The following SREBF1 variants were observed in gnomAD, a reference collection of about 807,000 sequenced individuals.
SREBF1 encodes the protein sterol regulatory element-binding protein 1.
Under a neutral mutation model 100.1 loss-of-function variants are expected in SREBF1, and 45 were observed. The ratio of observed to expected loss-of-function variants is 0.45; its 90% confidence interval spans 0.35 to 0.58. The LOEUF (loss-of-function observed/expected upper bound fraction) is 0.58. SREBF1 is among the 20% of genes least tolerant of loss of function. SREBF1 has a pLI of 0.00. For synonymous variants in SREBF1, 657 were observed against 681.8 expected (o/e 0.96, Z 0.57); for missense variants, 1,324 against 1,539.4 (o/e 0.86, Z 2.34).
At chr17:17,828,655 C>T (rs1427607958) in intron 1 of SREBF1, among the ~76,000 whole-genome samples, 3 of 152,202 alleles carry the variant, frequency 2.0e-5, no homozygotes, top group Admixed American at 6.5e-5. Context: ...GGGGCTCACA[C>T]CTGTAATAAC....
intron 1 of SREBF1, among the ~76,000 whole-genome samples, chr17:17,835,607 C>T (rs77370813): frequency 0.025 from 3,818 of 152,324 alleles, 66 homozygotes; most frequent in Non-Finnish European, 0.034. Context: ...GCCTCAGTTT[C>T]CTCATCAACC....
chr17:17,830,620 C>T (rs11652144), intron 1 of SREBF1, among the ~76,000 whole-genome samples: 68,440 of 152,146 alleles, frequency 0.45, 18,476 homozygotes, highest in Non-Finnish European at 0.63. Flanking sequence ...GGTGCAGGGA[C>T]GGGGAGTCAG....
rs757568428 is a variant in SREBF1 at position 17,816,377 on chromosome 17, GA to G, written c.2048-5del. 6.3e-6 allele frequency: 10 copies of G among 1,591,308 alleles called. No individual in the cohort carries two copies. In the African/African-American group the frequency reaches 1.3e-4, roughly 21 times the overall value. On this transcript the variant is annotated splice_polypyrimidine_tract_variant and splice_region_variant and intron_variant, in intron 10 of 18. Coordinates refer to ENST00000261646, the MANE Select transcript of SREBF1 (RefSeq NM_004176.5). ...AGGTGCCCGCCTGTGTGCTTCCCTG[GA>G]AGGCAAGCAGGCATGAGGCTGTGGG...
rs777820660 is a variant in SREBF1 at position 17,816,299 on chromosome 17, C to G, written c.2122G>C (p.Asp708His). ...GCCAGCGTCGCCACAGACACGGCATCCCCTGCACACTCTGCCAGGTTCAGG... is the reference window on the plus strand; with the variant it reads ...GCCAGCGTCGCCACAGACACGGCATGCCCTGCACACTCTGCCAGGTTCAGG... The part of the protein sequence containing the change: ...SALNLAECAG[D>H]AVSVATLAEI... Residue 708 changes from aspartate (D) to histidine (H), a missense_variant, in exon 11 of 19, where the codon GAT (aspartate) becomes CAT (histidine). Physicochemically the swap from Asp to His is moderately conservative, Grantham distance 81 (BLOSUM62 -1). Coordinates refer to ENST00000261646, the MANE Select transcript of SREBF1 (RefSeq NM_004176.5). The G allele has an allele frequency of 1.9e-6, 3 of 1,553,928 alleles. No homozygotes were observed. Among genetic ancestry groups the G allele is most frequent in the African/African-American group, 3.2e-5 (2 of 62,372 alleles).
chr17:17,818,528 G>C, intron 5 of SREBF1, 154 bp from the exon 6 acceptor site: 1 of 664,076 alleles, frequency 1.5e-6, no homozygotes, highest in South Asian at 1.6e-5. Context: ...ACCGTTCCTC[G>C]CCTAGTAGCA....
Position 17,812,066 on chromosome 17 carries a change from C to A in SREBF1, c.*556G>T. The A allele has an allele frequency of 2.3e-6, 1 of 436,438 alleles. No homozygotes were observed. Among genetic ancestry groups the A allele is most frequent in the South Asian group, 1.7e-5 (1 of 60,560 alleles). 27.0% of individuals were successfully genotyped at this position (436,438 alleles called of 1,614,324 possible). On this transcript the variant is annotated 3_prime_UTR_variant, in exon 19 of 19. Transcript: ENST00000261646. ...TCAGCACATCCATCAGCTGAAGACA[C>A]AAAACCCAGATTATAAATAATTTCA...
Position 17,836,818 on chromosome 17 carries a change from G to A in SREBF1, c.-1C>T. On this transcript the variant is annotated 5_prime_UTR_variant, in exon 1 of 19. Coordinates refer to ENST00000261646, the MANE Select transcript of SREBF1 (RefSeq NM_004176.5). ...CCTCGCTGAAGGGTGGCTCGTCCAT[G>A]GCGCAGCCGCCTCCTCCGGGAGGCC... is the stretch of plus-strand genomic sequence containing the variant. 1 of 1,526,730 alleles carries A rather than the reference G, an allele frequency of 6.5e-7. No individual in the cohort carries two copies. The highest frequency in any genetic ancestry group is 8.7e-7 in the Non-Finnish European group (1 of 1,143,582). The allele number at this position is 1,526,730 out of a possible 1,614,324, so 94.6% of individuals were successfully genotyped here. A position where few individuals can be genotyped will look rare whatever the true frequency, so the allele number is the denominator to read the frequency against.
intron 5 of SREBF1, 84 bp from the exon 6 acceptor site, chr17:17,818,458 T>C: frequency 1.1e-6 from 1 of 949,218 alleles, no homozygotes; most frequent in Non-Finnish European, 1.7e-6. Flanking sequence ...AGCAAGGGGG[T>C]GCGGAGCTGC....
chr17:17,817,424 G>A lies in SREBF1; in HGVS notation c.1438C>T (p.Arg480Trp), dbSNP rs568336585. 8.8e-6 allele frequency: 14 copies of A among 1,594,976 alleles called. No homozygotes were observed. Among genetic ancestry groups the A allele is most frequent in the South Asian group, 6.8e-5 (6 of 88,610 alleles). ...KPEQRPSLHSRGMLDRSRLAL... is the reference protein window; with the variant it reads ...KPEQRPSLHSWGMLDRSRLAL... ...AGGCGGGAGCGGTCCAGCATGCCCC[G>A]GCTGTGCAGAGACGGCCGCTGCTCT... The change falls in exon 8 of 19, where the codon CGG (arginine) becomes TGG (tryptophan). Residue 480 changes from arginine (R) to tryptophan (W), a missense_variant. Transcript: ENST00000261646. This position sits in a 1 kb window ranked among gnomAD's most constrained non-coding sequence, Gnocchi z 6.6.
chr17:17,829,220 A>G (rs1372604267), intron 1 of SREBF1, among the ~76,000 whole-genome samples: 1 of 134,454 alleles, frequency 7.4e-6, no homozygotes, highest in Non-Finnish European at 1.5e-5. Flanking sequence ...ATATATATAT[A>G]TATATATATA....
chr17:17,814,871 T>A lies in SREBF1; in HGVS notation c.2566A>T (p.Ser856Cys). 12 of 1,591,090 alleles carry A rather than the reference T, an allele frequency of 7.5e-6. No individual in the cohort carries two copies. Among genetic ancestry groups the A allele is most frequent in the Non-Finnish European group, 1.0e-5 (12 of 1,169,582 alleles). ...GCCATGCTGGAACTGATGGAGAAGC[T>A]GTAGGCAGGAGCCCCCGCAGCATCA... ...CSDAAGAPAYSFSISSSMATT... is the reference protein window; with the variant it reads ...CSDAAGAPAYCFSISSSMATT... Residue 856 changes from serine to cysteine, a missense_variant, in exon 14 of 19, where the codon AGC (serine) becomes TGC (cysteine). Transcript: ENST00000261646.
chr17:17,811,843 G>A lies in SREBF1; in HGVS notation c.*779C>T. 2.2e-6 allele frequency: 1 copy of A among 446,094 alleles called. No homozygotes were observed. The highest frequency in any genetic ancestry group is 4.5e-6 in the Non-Finnish European group (1 of 221,854). 27.6% of individuals were successfully genotyped at this position (446,094 alleles called of 1,614,324 possible). Reference sequence around the variant, plus strand: ...CAACTGACCCCATGGAGGCCCTAAGGGTTGACACAGCCCAACCATGTGCCC... The same window carrying A: ...CAACTGACCCCATGGAGGCCCTAAGAGTTGACACAGCCCAACCATGTGCCC... On this transcript the variant is annotated 3_prime_UTR_variant, in exon 19 of 19. Transcript: ENST00000261646.
intron 18 of SREBF1, 123 bp from the exon 19 acceptor site, chr17:17,812,974 C>T (rs1598107952): frequency 1.1e-6 from 1 of 927,714 alleles, no homozygotes; most frequent in Non-Finnish European, 1.6e-6. Flanking sequence ...CTGGCGGGGG[C>T]CTGGCGGGTT....
At position 17,819,374 on chromosome 17, in the gene SREBF1, C is replaced by A; in HGVS notation, c.792G>T (p.Ala264=). The A allele has an allele frequency of 6.2e-7, 1 of 1,613,830 alleles. No individual in the cohort carries two copies. The highest frequency in any genetic ancestry group is 8.5e-7 in the Non-Finnish European group (1 of 1,180,038). The change falls in exon 4 of 19, where the codon GCG becomes GCT. Residue 264 remains alanine (A), a synonymous_variant. Transcript: ENST00000261646. ...CAGAGACCAGGGGACTGAGACCTGC[C>A]GCCTTCACAGTGGCTCCGTCTGTCT... ...AMKTDGATVK[A]AGLSPLVSGT... is the part of the protein sequence containing the mutation.
chr17:17,829,521 A>C (rs2034725868), intron 1 of SREBF1, among the ~76,000 whole-genome samples: 2 of 152,082 alleles, frequency 1.3e-5, no homozygotes, highest in African/African-American at 4.8e-5. Context: ...AGAACTTTGA[A>C]GGTGCTTTCA....
intron 1 of SREBF1, among the ~76,000 whole-genome samples, chr17:17,826,282 CTT>C (rs34759145): frequency 7.9e-4 from 108 of 137,506 alleles, no homozygotes; most frequent in Admixed American, 8.0e-4. Flanking sequence ...TCGACTGAGT[CTT>C]TTTTTTTTTT....
At chr17:17,828,223 G>C (rs576092514) in intron 1 of SREBF1, among the ~76,000 whole-genome samples, 3 of 152,226 alleles carry the variant, frequency 2.0e-5, no homozygotes, top group South Asian at 2.1e-4. Flanking sequence ...GCTATTGAAG[G>C]CCAGGCTGTT....
rs1018701804 is a variant in SREBF1 at position 17,811,737 on chromosome 17, C to CACA, written c.*882_*884dup. 32 of 455,028 alleles carry CACA rather than the reference C, an allele frequency of 7.0e-5. No homozygotes were observed. The highest frequency in any genetic ancestry group is 6.4e-4 in the African/African-American group (32 of 49,900). 28.2% of individuals were successfully genotyped at this position (455,028 alleles called of 1,614,324 possible). On this transcript the variant is annotated 3_prime_UTR_variant, in exon 19 of 19. Coordinates refer to ENST00000261646, the MANE Select transcript of SREBF1 (RefSeq NM_004176.5). ...GAGACCCAAGCTGTAGCTCCTGTCA[C>CACA]ACAACAGGTCCTGGAAGTCAGTCCA...
intron 1 of SREBF1, among the ~76,000 whole-genome samples, chr17:17,834,990 A>C (rs959886420): frequency 4.1e-4 from 63 of 151,942 alleles, no homozygotes; most frequent in African/African-American, 1.5e-3. Flanking sequence ...GAAAACAAAC[A>C]AACAAACAAA....
Sources: allele counts gnomAD v4.1 joint callset (sites outside exome capture counted in the v4.1 genomes callset), GRCh38; gene constraint gnomAD v4.1.1; non-coding constraint Gnocchi (gnomAD v3.1); transcripts MANE v1.5; gene names NCBI Gene and HGNC (gene_info 2026-07-23, HGNC 2026-07-21).